VPS33B: variants seen among roughly 807,000 people sequenced by gnomAD.
The protein encoded by VPS33B is VPS33B late endosome and lysosome associated.
A neutral mutation model predicts 95.3 loss-of-function variants in VPS33B; 80 were observed. The observed-to-expected ratio is 0.84, with a 90% CI of 0.70 to 1.01. VPS33B has a LOEUF of 1.01. VPS33B is among the 50% of genes least tolerant of loss of function. VPS33B has a pLI of 0.00. For missense variants in VPS33B, 715 were observed against 773.4 expected, an observed-to-expected ratio of 0.92 and a Z score of 0.90; for synonymous variants, 280 against 280.4, an observed-to-expected ratio of 1.00 and a Z score of 0.01.
chr15:91,004,570 A>G (rs1022349987), intron 16 of VPS33B, among the ~76,000 whole-genome samples: 6 of 152,162 alleles, frequency 3.9e-5, no homozygotes, highest in African/African-American at 1.4e-4. Flanking sequence ...CCTGGAATGT[A>G]TCTTTATCTT....
rs1025348714 is a variant in VPS33B at position 91,002,973 on chromosome 15, A to C, written c.1272+112T>G. 8.4e-7 allele frequency: 1 copy of C among 1,194,078 alleles called. No individual in the cohort carries two copies. The highest frequency in any genetic ancestry group is 1.3e-6 in the Non-Finnish European group (1 of 798,620). The allele number at this position is 1,194,078 out of a possible 1,614,324, so 74.0% of individuals were successfully genotyped here. Reference sequence around the variant, plus strand: ...AGCTCTAAGAGGGAGGCCTGAATGGAAACAGGAGGGTAATGGAGGCAGGAA... The same window carrying C: ...AGCTCTAAGAGGGAGGCCTGAATGGCAACAGGAGGGTAATGGAGGCAGGAA... On this transcript the variant is annotated intron_variant, in intron 17 of 22. Transcript: ENST00000333371. The surrounding 1 kb of genome is among the most constrained non-coding windows in gnomAD (Gnocchi z 4.7).
Position 91,022,353 on chromosome 15 carries a change from A to G in VPS33B, c.-104T>C. The G allele has an allele frequency of 8.2e-7, 1 of 1,212,614 alleles. No homozygotes were observed. Among genetic ancestry groups the G allele is most frequent in the Non-Finnish European group, 1.1e-6 (1 of 881,988 alleles). 75.1% of individuals were successfully genotyped at this position (1,212,614 alleles called of 1,614,324 possible). A position where few individuals can be genotyped will look rare whatever the true frequency, so the allele number is the denominator to read the frequency against. ...GGGGGGCTATCCTTCAGGCCTGGGC[A>G]CCGACTTCCAGAGACCCCAGATGGG... On this transcript the variant is annotated 5_prime_UTR_variant, in exon 1 of 23. Transcript: ENST00000333371.
chr15:91,004,982 C>A (rs775218883), intron 15 of VPS33B, 51 bp from the exon 16 acceptor site: 2 of 1,614,054 alleles, frequency 1.2e-6, no homozygotes, highest in African/African-American at 2.7e-5. Flanking sequence ...AACACGTGTT[C>A]TTTTCCTTCT....
At chr15:91,001,697 C>T (rs887831477) in intron 18 of VPS33B, among the ~76,000 whole-genome samples, 3 of 152,116 alleles carry the variant, frequency 2.0e-5, no homozygotes, top group Non-Finnish European at 2.9e-5. Flanking sequence ...CAGGGTAACC[C>T]GAGTTTATTG....
chr15:91,012,831 A>G lies in VPS33B; in HGVS notation c.357+973T>C, dbSNP rs542843891. On this transcript the variant is annotated intron_variant, in intron 5 of 22. Transcript: ENST00000333371. ...AATATGTACTGCAATTATTGAGTTAAAGATGGAAGAGCTCTACTCTGGCTG... is the reference window on the plus strand; with the variant it reads ...AATATGTACTGCAATTATTGAGTTAGAGATGGAAGAGCTCTACTCTGGCTG... Among the ~76,000 whole-genome samples the G allele has an allele frequency of 2.8e-4, 42 of 152,366 alleles. 1 individual carries two copies. The South Asian group carries it at 8.7e-3, about 32-fold the overall frequency.
chr15:91,007,377 C>T lies in VPS33B; in HGVS notation c.603+92G>A. The T allele has an allele frequency of 8.3e-7, 1 of 1,203,260 alleles. No individual in the cohort carries two copies. The highest frequency in any genetic ancestry group is 1.2e-6 in the Non-Finnish European group (1 of 806,670). 74.5% of individuals were successfully genotyped at this position (1,203,260 alleles called of 1,614,324 possible). A position where few individuals can be genotyped will look rare whatever the true frequency, so the allele number is the denominator to read the frequency against. On this transcript the variant is annotated intron_variant, in intron 8 of 22. Transcript: ENST00000333371. The surrounding 1 kb of genome is among the most constrained non-coding windows in gnomAD (Gnocchi z 5.3). Reference sequence around the variant, plus strand: ...AATGAAAGCAAAGTAAAGAATACACCTCATATCACAGGTGCCCTTGGATAA... The same window carrying T: ...AATGAAAGCAAAGTAAAGAATACACTTCATATCACAGGTGCCCTTGGATAA...
In VPS33B at chr15:90,999,020, T is replaced by G. The variant is rs201071086; in HGVS notation, c.1809A>C (p.Thr603=). 2 of 1,614,170 alleles carry G rather than the reference T, an allele frequency of 1.2e-6. No individual in the cohort carries two copies. ...YRFIFLTTAV[T]NSARLMEAMS... ...TGGCCTCCATAAGGCGAGCGCTGTT[T>G]GTGACTGCTGTCGTCAGGAAAATGA... The change falls in exon 23 of 23, where the codon ACA becomes ACC. Residue 603 remains threonine, a synonymous_variant. Coordinates refer to ENST00000333371, the MANE Select transcript of VPS33B (RefSeq NM_018668.5). The surrounding 1 kb of genome is among the most constrained non-coding windows in gnomAD (Gnocchi z 5.1).
Position 90,998,918 on chromosome 15 carries a change from C to T in VPS33B, c.*57G>A. 1 of 1,585,766 alleles carries T rather than the reference C, an allele frequency of 6.3e-7. No individual in the cohort carries two copies. The highest frequency in any genetic ancestry group is 8.6e-7 in the Non-Finnish European group (1 of 1,157,764). ...GTTATAGCAGCTGGGTGCCAGATGC[C>T]TGCATCTCACTGAGGAATGTGTTCA... On this transcript the variant is annotated 3_prime_UTR_variant, in exon 23 of 23. Transcript: ENST00000333371. This position sits in a 1 kb window ranked among gnomAD's most constrained non-coding sequence, Gnocchi z 4.8.
Position 91,007,599 on chromosome 15 carries a change from GAT to G in VPS33B, c.499-28_499-27del, listed in dbSNP as rs1395036770. ...CTGCAGGGACCACACAAGCCACAAA[GAT>G]ATGAATCAACCCAGTAGGACCACCT... On this transcript the variant is annotated intron_variant, in intron 7 of 22. Coordinates refer to ENST00000333371, the MANE Select transcript of VPS33B (RefSeq NM_018668.5). The surrounding 1 kb of genome is among the most constrained non-coding windows in gnomAD (Gnocchi z 5.3). 9 of 1,611,646 alleles carry G rather than the reference GAT, an allele frequency of 5.6e-6. No homozygotes were observed. The South Asian group carries it at 8.8e-5, about 16-fold the overall frequency.
chr15:91,007,107 A>G lies in VPS33B; in HGVS notation c.604-61T>C. On this transcript the variant is annotated intron_variant, in intron 8 of 22. Coordinates refer to ENST00000333371, the MANE Select transcript of VPS33B (RefSeq NM_018668.5). This position sits in a 1 kb window ranked among gnomAD's most constrained non-coding sequence, Gnocchi z 5.3. ...AGGTCCCTACTGCAGCCCCATACCT[A>G]CAGAAGTCAGCCCTTTCCACGTGAT... The G allele has an allele frequency of 6.3e-7, 1 of 1,576,008 alleles. No individual in the cohort carries two copies. Among genetic ancestry groups the G allele is most frequent in the Non-Finnish European group, 8.6e-7 (1 of 1,157,524 alleles).
rs1482798711 is a variant in VPS33B, at chr15:91,013,356, G to C, written c.357+448C>G. Among the ~76,000 whole-genome samples the C allele has an allele frequency of 1.3e-5, 2 of 152,198 alleles. No individual in the cohort carries two copies. Among genetic ancestry groups the C allele is most frequent in the Non-Finnish European group, 2.9e-5 (2 of 68,040 alleles). On this transcript the variant is annotated intron_variant, in intron 5 of 22. Transcript: ENST00000333371. The surrounding 1 kb of genome is among the most constrained non-coding windows in gnomAD (Gnocchi z 4.5). ...ATAATTTGCTTTGAGGGAGTGCTAT[G>C]GTTTGAATGTGTCTCCCAAAAGTTC... is the stretch of plus-strand genomic sequence containing the variant.
rs143403487 is a variant in VPS33B at position 91,021,461 on chromosome 15, T to C, written c.96+693A>G. 3.5e-3 allele frequency among the ~76,000 whole-genome samples: 540 copies of C among 152,362 alleles called. 3 individuals are homozygous for C. Among genetic ancestry groups the C allele is most frequent in the African/African-American group, 0.012 (517 of 41,594 alleles). ...ACTGCTACCAATTTTGTGTGGGCCT[T>C]TATTTCTTGTCTGATCTACGGTCTC... On this transcript the variant is annotated intron_variant, in intron 1 of 22. Transcript: ENST00000333371.
chr15:91,014,576 C>T (rs2040872078), intron 3 of VPS33B, 143 bp from the exon 4 acceptor site: 2 of 869,642 alleles, frequency 2.3e-6, no homozygotes, highest in East Asian at 2.5e-5. Flanking sequence ...TCTCTTGGTC[C>T]ACCATATACC....
In VPS33B at chr15:91,007,458, A is replaced by G. The variant is rs868814464; in HGVS notation, c.603+11T>C. ...CGTCTGCTGGGACAACAGTACTGCT[A>G]GTGCTCTTACCTTGGCGCACCTGCC... On this transcript the variant is annotated intron_variant, in intron 8 of 22. Coordinates refer to ENST00000333371, the MANE Select transcript of VPS33B (RefSeq NM_018668.5). This position sits in a 1 kb window ranked among gnomAD's most constrained non-coding sequence, Gnocchi z 5.3. 8 of 1,612,764 alleles carry G rather than the reference A, an allele frequency of 5.0e-6. No homozygotes were observed. The highest frequency in any genetic ancestry group is 3.3e-4 in the Middle Eastern group (2 of 6,056).
In VPS33B at chr15:91,005,660, C is replaced by T; in HGVS notation, c.1030+34G>A. On this transcript the variant is annotated intron_variant, in intron 13 of 22. Transcript: ENST00000333371. The surrounding 1 kb of genome is among the most constrained non-coding windows in gnomAD (Gnocchi z 6.4). ...GGAGCTTTCCCCAGAGGGACACAGT[C>T]ACTTCCCCTCACGCCCCTCAAGCTG... The T allele has an allele frequency of 6.2e-7, 1 of 1,612,886 alleles. No homozygotes were observed. The highest frequency in any genetic ancestry group is 8.5e-7 in the Non-Finnish European group (1 of 1,178,898).
intron 5 of VPS33B, among the ~76,000 whole-genome samples, chr15:91,012,229 T>G (rs2040804242): frequency 6.6e-6 from 1 of 152,188 alleles, no homozygotes. Context: ...AAGCATATTA[T>G]CCTAAGATAA....
chr15:90,999,802 A>AT lies in VPS33B; in HGVS notation c.1658-10dup, dbSNP rs1416927712. 2.5e-6 allele frequency: 4 copies of AT among 1,614,032 alleles called. No homozygotes were observed. The highest frequency in any genetic ancestry group is 3.4e-6 in the Non-Finnish European group (4 of 1,179,974). ...GTCTTCCTTAGTCATATCTGTGAGG[A>AT]TCAGACCAGATTCAGCCCTTCCCTG... On this transcript the variant is annotated splice_polypyrimidine_tract_variant and intron_variant, in intron 21 of 22. Coordinates refer to ENST00000333371, the MANE Select transcript of VPS33B (RefSeq NM_018668.5). This position sits in a 1 kb window ranked among gnomAD's most constrained non-coding sequence, Gnocchi z 5.1.
At position 91,007,148 on chromosome 15, in the gene VPS33B, C is replaced by T. The variant is rs922806617; in HGVS notation, c.604-102G>A. 2.9e-5 allele frequency: 37 copies of T among 1,271,086 alleles called. 1 individual carries two copies. The highest frequency in any genetic ancestry group is 2.2e-4 in the Middle Eastern group (1 of 4,466). The allele number at this position is 1,271,086 out of a possible 1,614,324, so 78.7% of individuals were successfully genotyped here. On this transcript the variant is annotated intron_variant, in intron 8 of 22. Transcript: ENST00000333371. The surrounding 1 kb of genome is among the most constrained non-coding windows in gnomAD (Gnocchi z 5.3). ...TCCACGTGATACTTCCTCTTGTCCC[C>T]GAGACAGGAGCTAATTATTCACAAT...
intron 1 of VPS33B, 124 bp downstream of exon 1, chr15:91,022,030 T>A: frequency 8.9e-7 from 1 of 1,124,804 alleles, no homozygotes. Flanking sequence ...CTGGACCTGC[T>A]GGGGAAGCGC....
Sources: allele counts gnomAD v4.1 joint callset (sites outside exome capture counted in the v4.1 genomes callset), GRCh38; gene constraint gnomAD v4.1.1; non-coding constraint Gnocchi (gnomAD v3.1); transcripts MANE v1.5; gene names NCBI Gene and HGNC (gene_info 2026-07-23, HGNC 2026-07-21).